Variants in DNER observed in about 807,000 individuals in gnomAD.
The protein encoded by DNER is delta/notch like EGF repeat containing.
DNER carries 33 observed loss-of-function variants against 78.2 expected under a neutral mutation model. The ratio of observed to expected loss-of-function variants is 0.42; its 90% CI spans 0.32 to 0.56. The LOEUF is 0.56. Among genes scored for constraint, DNER ranks in the 20% least tolerant of loss-of-function variants. The pLI is 0.11. For synonymous variants in DNER, 417 were observed against 384.8 expected, an observed-to-expected ratio of 1.08 and a Z score of -0.98; for missense variants, 918 against 975.3, an observed-to-expected ratio of 0.94 and a Z score of 0.78.
chr2:229,423,257 C>T (rs962953001), intron 8 of DNER, among the ~76,000 whole-genome samples: 1 of 152,064 alleles, frequency 6.6e-6, no homozygotes, highest in Non-Finnish European at 1.5e-5. Flanking sequence ...AGGCAAAAAC[C>T]CTGTTGATAA....
chr2:229,657,012 G>GTGT, intron 1 of DNER, among the ~76,000 whole-genome samples: 1 of 146,356 alleles, frequency 6.8e-6, no homozygotes, highest in African/African-American at 2.6e-5. Flanking sequence ...GTGTGTGTGT[G>GTGT]GTGAGAACAT....
At chr2:229,377,564 C>A (rs1319165711) in intron 11 of DNER, among the ~76,000 whole-genome samples, 1 of 152,138 alleles carries the variant, frequency 6.6e-6, no homozygotes, top group African/African-American at 2.4e-5. Context: ...TGTGGGTTTT[C>A]ATTTGCCTTA....
chr2:229,593,660 G>A (rs1291108608), intron 1 of DNER, among the ~76,000 whole-genome samples: 1 of 152,248 alleles, frequency 6.6e-6, no homozygotes, highest in Non-Finnish European at 1.5e-5. Context: ...CGTGATGAGG[G>A]AGGGATGTGA....
chr2:229,676,367 C>A (rs182659336), intron 1 of DNER, among the ~76,000 whole-genome samples: 5 of 152,312 alleles, frequency 3.3e-5, no homozygotes, highest in Admixed American at 6.5e-5. Flanking sequence ...AGCATACTCA[C>A]CTGCTCCAAA....
At chr2:229,377,989 A>G (rs1692645602) in intron 11 of DNER, among the ~76,000 whole-genome samples, 2 of 152,220 alleles carry the variant, frequency 1.3e-5, no homozygotes, top group African/African-American at 4.8e-5. Flanking sequence ...CAACCAGAAG[A>G]GTCCTAATAA....
At position 229,407,357 on chromosome 2, in the gene DNER, C is replaced by G. The variant is rs756288439; in HGVS notation, c.1610-12G>C. On this transcript the variant is annotated splice_polypyrimidine_tract_variant and intron_variant, in intron 9 of 12. Transcript: ENST00000341772. ...TTCACAGTGTGTTCCTGCAGAGAAA[C>G]AAGCAAAACAGGATGACTCATCCAG... The G allele has an allele frequency of 3.7e-6, 6 of 1,609,236 alleles. No individual in the cohort carries two copies. In the Admixed American group the frequency reaches 8.3e-5, roughly 22 times the overall value.
At chr2:229,592,383 C>A (rs901960695) in intron 1 of DNER, among the ~76,000 whole-genome samples, 4 of 152,126 alleles carry the variant, frequency 2.6e-5, no homozygotes, top group African/African-American at 4.8e-5. Flanking sequence ...CCTAACCGGT[C>A]AACAATACTT....
intron 10 of DNER, among the ~76,000 whole-genome samples, chr2:229,400,976 T>C (rs1281827942): frequency 6.6e-6 from 1 of 152,072 alleles, no homozygotes; most frequent in African/African-American, 2.4e-5. Context: ...TGACAGTATG[T>C]AGCCTTGATG....
intron 10 of DNER, among the ~76,000 whole-genome samples, chr2:229,400,141 G>A (rs990812064): frequency 1.3e-5 from 2 of 152,012 alleles, no homozygotes; most frequent in African/African-American, 4.8e-5. Flanking sequence ...GCAGTATTTG[G>A]TTGTTGGTGT....
intron 4 of DNER, among the ~76,000 whole-genome samples, chr2:229,574,603 G>C (rs543706652): frequency 6.6e-6 from 1 of 152,274 alleles, no homozygotes; most frequent in Non-Finnish European, 1.5e-5. Flanking sequence ...GTTGTCAGTA[G>C]AGGGGCGGGT....
intron 1 of DNER, among the ~76,000 whole-genome samples, chr2:229,644,449 T>C (rs1698679112): frequency 1.4e-5 from 2 of 147,708 alleles, no homozygotes; most frequent in African/African-American, 5.0e-5. Context: ...GTTCAAGCAA[T>C]TCTCCTACCT....
At chr2:229,416,608 G>C (rs1323463179) in intron 9 of DNER, among the ~76,000 whole-genome samples, 1 of 152,112 alleles carries the variant, frequency 6.6e-6, no homozygotes, top group Non-Finnish European at 1.5e-5. Flanking sequence ...TGCCTCCTAG[G>C]GTCAGACGCA....
rs900007565 is a variant in DNER, at chr2:229,621,979, G to A, written c.277-30091C>T. ...CAGGTGCCTGTAGTCCCAGCTACTC[G>A]GGAGGCTGAGGCAGGAGAATGGTGT... On this transcript the variant is annotated intron_variant, in intron 1 of 12. Coordinates refer to ENST00000341772, the MANE Select transcript of DNER (RefSeq NM_139072.4). 3.3e-5 allele frequency among the ~76,000 whole-genome samples: 5 copies of A among 152,124 alleles called. No individual in the cohort carries two copies. In the East Asian group the frequency reaches 5.8e-4, roughly 18 times the overall value.
rs561939366 is a variant in DNER at position 229,694,722 on chromosome 2, A to G, written c.276+19426T>C. Among the ~76,000 whole-genome samples the G allele has an allele frequency of 9.9e-5, 15 of 152,276 alleles. No individual in the cohort carries two copies. The South Asian group carries it at 2.9e-3, about 29-fold the overall frequency. ...GTATTTACCCAATGCCTGTACCCCC[A>G]TTGTATCTAAGAAGTAACTAACTTG... is the stretch of plus-strand genomic sequence containing the variant. On this transcript the variant is annotated intron_variant, in intron 1 of 12. Transcript: ENST00000341772.
intron 5 of DNER, among the ~76,000 whole-genome samples, chr2:229,538,275 G>GTT (rs1696449144): frequency 6.6e-6 from 1 of 152,152 alleles, no homozygotes; most frequent in Non-Finnish European, 1.5e-5. Flanking sequence ...ATTAAGTCTG[G>GTT]AGCATCACTC....
chr2:229,497,681 C>T (rs1695526544), intron 6 of DNER, among the ~76,000 whole-genome samples: 1 of 151,224 alleles, frequency 6.6e-6, no homozygotes, highest in Admixed American at 6.6e-5. Flanking sequence ...AATACTATAA[C>T]CAGTAATACA....
At position 229,685,886 on chromosome 2, in the gene DNER, G is replaced by A. The variant is rs111578999; in HGVS notation, c.276+28262C>T. On this transcript the variant is annotated intron_variant, in intron 1 of 12. Transcript: ENST00000341772. ...GGGCTCAAGCAAGGGGCTAAGGTCA[G>A]TGTGAGGCATCGGAGGAGGGCTCCT... is the stretch of plus-strand genomic sequence containing the variant. Among the ~76,000 whole-genome samples the A allele has an allele frequency of 5.4e-3, 828 of 152,310 alleles. 9 individuals carry two copies. The highest frequency in any genetic ancestry group is 0.018 in the African/African-American group (765 of 41,566).
intron 9 of DNER, among the ~76,000 whole-genome samples, chr2:229,416,216 T>C (rs1456190791): frequency 6.6e-6 from 1 of 152,246 alleles, no homozygotes; most frequent in African/African-American, 2.4e-5. Context: ...TCTCATGCAC[T>C]AGTTCCTCCT....
intron 7 of DNER, among the ~76,000 whole-genome samples, chr2:229,463,228 T>C (rs928176278): frequency 1.3e-5 from 2 of 151,832 alleles, no homozygotes; most frequent in Non-Finnish European, 2.9e-5. Flanking sequence ...AGTAAATGTT[T>C]GTGGAATAAA....
Sources: allele counts gnomAD v4.1 joint callset (sites outside exome capture counted in the v4.1 genomes callset), GRCh38; gene constraint gnomAD v4.1.1; transcripts MANE v1.5; gene names NCBI Gene and HGNC (gene_info 2026-07-23, HGNC 2026-07-21).